The following UIMC1 variants were observed in gnomAD, a reference collection of about 807,000 sequenced individuals.
UIMC1 encodes BRCA1-A complex subunit RAP80.
In UIMC1, 42 loss-of-function variants were observed where a neutral mutation model predicts 84.9. That is an observed-to-expected ratio of 0.49 (90% CI 0.39 to 0.64). UIMC1 has a LOEUF of 0.64. Among genes scored for constraint, UIMC1 ranks in the 30% least tolerant of loss-of-function variants. UIMC1 has a pLI of 0.00. For missense variants in UIMC1, 825 were observed against 847.6 expected, an observed-to-expected ratio of 0.97 and a Z score of 0.33; for synonymous variants, 281 against 293.0, an observed-to-expected ratio of 0.96 and a Z score of 0.42.
chr5:176,955,656 T>C (rs1766505601), intron 8 of UIMC1, among the ~76,000 whole-genome samples: 1 of 152,176 alleles, frequency 6.6e-6, no homozygotes, highest in South Asian at 2.1e-4. Context: ...GTTAAGCAAA[T>C]GCTATTCCTG....
At chr5:176,992,062 G>A (rs1772945090) in intron 1 of UIMC1, among the ~76,000 whole-genome samples, 2 of 152,004 alleles carry the variant, frequency 1.3e-5, no homozygotes, top group African/African-American at 2.4e-5. Flanking sequence ...GGTGGAGGCT[G>A]CATTGAGCCA....
At chr5:176,930,381 G>C (rs75694171) in intron 10 of UIMC1, among the ~76,000 whole-genome samples, 1,549 of 152,248 alleles carry the variant, frequency 0.01, 37 homozygotes, top group African/African-American at 0.036. Flanking sequence ...ATAGAGCACA[G>C]ATTACTAGCT....
At chr5:176,957,304 G>T (rs903490263) in intron 7 of UIMC1, among the ~76,000 whole-genome samples, 2 of 152,004 alleles carry the variant, frequency 1.3e-5, no homozygotes, top group Non-Finnish European at 2.9e-5. Flanking sequence ...CTCTCATATG[G>T]GAGAACAGTC....
chr5:176,957,283 G>A (rs1050941256), intron 7 of UIMC1, among the ~76,000 whole-genome samples: 2 of 152,118 alleles, frequency 1.3e-5, no homozygotes, highest in African/African-American at 2.4e-5. Flanking sequence ...CAAATGGCAA[G>A]TGGGCTTCAA....
intron 6 of UIMC1, among the ~76,000 whole-genome samples, chr5:176,960,183 T>C (rs1581539581): frequency 6.6e-6 from 1 of 152,226 alleles, no homozygotes; most frequent in South Asian, 2.1e-4. Flanking sequence ...GGTTAAATAA[T>C]TTGCCCTAAA....
chr5:176,984,697 G>A (rs1045659140), intron 1 of UIMC1, among the ~76,000 whole-genome samples: 2 of 152,124 alleles, frequency 1.3e-5, no homozygotes, highest in African/African-American at 4.8e-5. Context: ...TTGTTACTGT[G>A]CCTGTGTAGA....
At chr5:177,007,789 G>C (rs376609215), upstream of UIMC1, among the ~76,000 whole-genome samples, 24 of 152,176 alleles carry the variant, frequency 1.6e-4, no homozygotes, top group South Asian at 4.4e-3. Flanking sequence ...ACTTCAGATA[G>C]ATCTGTCATG....
chr5:176,928,895 G>A (rs1185870983), intron 10 of UIMC1, among the ~76,000 whole-genome samples: 1 of 151,930 alleles, frequency 6.6e-6, no homozygotes, highest in South Asian at 2.1e-4. Context: ...AGCTTGCAGT[G>A]AGAGGAGATC....
chr5:176,996,689 A>C (rs1389711440), intron 1 of UIMC1, among the ~76,000 whole-genome samples: 7 of 152,168 alleles, frequency 4.6e-5, no homozygotes, highest in Non-Finnish European at 1.0e-4. Flanking sequence ...TTCAAATCAC[A>C]GGTTGAACTA....
Position 176,951,546 on chromosome 5 carries a change from G to A in UIMC1, c.1371C>T (p.Asp457=). The change falls in exon 9 of 15, where the codon GAC becomes GAT. Residue 457 remains aspartate, a synonymous_variant. Transcript: ENST00000511320. The part of the protein sequence containing the change: ...ETQLSSSETF[D]LEREVSPGSR... ...TACCTGGAGAGACTTCTCTTTCAAGGTCAAAAGTTTCAGAGGAACTTAGCT... is the reference window on the plus strand; with the variant it reads ...TACCTGGAGAGACTTCTCTTTCAAGATCAAAAGTTTCAGAGGAACTTAGCT... The A allele has an allele frequency of 6.3e-7, 1 of 1,589,800 alleles. No homozygotes were observed. The highest frequency in any genetic ancestry group is 8.5e-7 in the Non-Finnish European group (1 of 1,169,632).
intron 1 of UIMC1, among the ~76,000 whole-genome samples, chr5:176,988,038 G>A (rs1772281963): frequency 6.7e-6 from 1 of 150,060 alleles, no homozygotes; most frequent in Non-Finnish European, 1.5e-5. Context: ...GTGGGAGGAT[G>A]GAGGATCAAT....
chr5:176,996,717 C>G (rs1015225796), intron 1 of UIMC1, among the ~76,000 whole-genome samples: 1 of 152,078 alleles, frequency 6.6e-6, no homozygotes. Context: ...AGTAGTTTAA[C>G]CAGGGAAGGA....
upstream of UIMC1, among the ~76,000 whole-genome samples, chr5:177,009,174 T>A (rs1047686552): frequency 2.0e-5 from 3 of 151,768 alleles, no homozygotes; most frequent in African/African-American, 7.3e-5. The surrounding 1 kb of genome is among the most constrained non-coding windows in gnomAD (Gnocchi z 4.3). Context: ...GGCTAGCTAT[T>A]TTTTCGTTGT....
intron 1 of UIMC1, among the ~76,000 whole-genome samples, chr5:177,000,197 C>T (rs1415541641): frequency 6.6e-6 from 1 of 152,116 alleles, no homozygotes; most frequent in African/African-American, 2.4e-5. Flanking sequence ...CCTCATGATC[C>T]GCCGCCTCGG....
intron 8 of UIMC1, among the ~76,000 whole-genome samples, chr5:176,954,080 T>C (rs1225970158): frequency 6.6e-6 from 1 of 152,182 alleles, no homozygotes; most frequent in East Asian, 1.9e-4. Flanking sequence ...CAGCAAACAG[T>C]TGGACTTAAT....
intron 1 of UIMC1, among the ~76,000 whole-genome samples, chr5:177,019,046 A>G (rs1775733720): frequency 1.3e-5 from 2 of 152,206 alleles, no homozygotes; most frequent in South Asian, 4.1e-4. Flanking sequence ...GTAGTTTGTG[A>G]CCATCCTGGC....
intron 1 of UIMC1, among the ~76,000 whole-genome samples, chr5:177,002,304 A>T (rs1234180083): frequency 6.6e-6 from 1 of 152,030 alleles, no homozygotes; most frequent in African/African-American, 2.4e-5. Flanking sequence ...AAATAAAAAT[A>T]AAAAATAAAA....
At chr5:176,981,305 T>C (rs528176742) in intron 2 of UIMC1, among the ~76,000 whole-genome samples, 3 of 152,048 alleles carry the variant, frequency 2.0e-5, no homozygotes, top group Admixed American at 6.6e-5. Flanking sequence ...CCACCACACC[T>C]GGCTAATTTT....
chr5:176,923,537 GA>G (rs1415568659), intron 10 of UIMC1, among the ~76,000 whole-genome samples: 34 of 134,072 alleles, frequency 2.5e-4, no homozygotes, highest in Non-Finnish European at 3.7e-4. Context: ...GCAACACAGT[GA>G]GACTGTATCA....
Sources: gnomAD v4.1 joint callset for allele counts (sites outside exome capture counted in the v4.1 genomes callset) on GRCh38, gnomAD v4.1.1 for gene constraint, Gnocchi (gnomAD v3.1) non-coding constraint, MANE v1.5 for transcripts, NCBI Gene and HGNC (gene_info 2026-07-23, HGNC 2026-07-21) for gene names.